The following WDR70 variants were observed in gnomAD, a reference collection of about 807,000 sequenced individuals.
The protein encoded by WDR70 is WD repeat domain 70, also known as WD repeat-containing protein 70.
WDR70 carries 53 observed loss-of-function variants against 88.6 expected under a neutral mutation model. The ratio of observed to expected loss-of-function variants is 0.60; its 90% CI spans 0.48 to 0.75. WDR70 has a LOEUF of 0.75. Ranked by LOEUF, WDR70 falls within the 30% of genes least tolerant of loss-of-function variation. The pLI is 0.00. For synonymous variants in WDR70, 280 were observed against 270.0 expected (o/e 1.04, Z -0.36); for missense variants, 610 against 823.2 (o/e 0.74, Z 3.17).
chr5:37,515,055 T>G (rs1740846299), intron 8 of WDR70, among the ~76,000 whole-genome samples: 1 of 150,740 alleles, frequency 6.6e-6, no homozygotes, highest in Admixed American at 6.6e-5. Flanking sequence ...GAGAGACTAA[T>G]AACAAACCTG....
intron 5 of WDR70, among the ~76,000 whole-genome samples, chr5:37,427,683 T>C (rs947175313): frequency 6.6e-6 from 1 of 151,928 alleles, no homozygotes; most frequent in African/African-American, 2.4e-5. Context: ...GGTCAGGAGT[T>C]CGAGACCAGC....
intron 10 of WDR70, among the ~76,000 whole-genome samples, chr5:37,644,834 C>G (rs934113578): frequency 6.6e-6 from 1 of 151,626 alleles, no homozygotes; most frequent in Admixed American, 6.6e-5. Context: ...TTTTTTATTT[C>G]TAATTTTATT....
chr5:37,445,878 A>G (rs572009820), intron 7 of WDR70, among the ~76,000 whole-genome samples: 1 of 152,338 alleles, frequency 6.6e-6, no homozygotes, highest in East Asian at 1.9e-4. Flanking sequence ...GAAAACTGGC[A>G]CAAGACAGGG....
intron 5 of WDR70, among the ~76,000 whole-genome samples, chr5:37,413,238 T>A (rs1749578937): frequency 6.6e-6 from 1 of 152,168 alleles, no homozygotes; most frequent in South Asian, 2.1e-4. Flanking sequence ...GCATCCAGTT[T>A]TTCCCTTTGC....
At chr5:37,505,818 C>T (rs1452196593) in intron 8 of WDR70, 1 of 1,397,016 alleles carries the variant, frequency 7.2e-7, no homozygotes, top group Non-Finnish European at 1.0e-6. Flanking sequence ...TAAATTGGTT[C>T]CTGCCAGAGT....
At chr5:37,748,989 A>G (rs7705963) in intron 17 of WDR70, among the ~76,000 whole-genome samples, 18,586 of 152,202 alleles carry the variant, frequency 0.12, 2,321 homozygotes, top group African/African-American at 0.32. Flanking sequence ...AGAAATAGGA[A>G]CACTTTTATA....
intron 10 of WDR70, among the ~76,000 whole-genome samples, chr5:37,695,644 A>C (rs976202627): frequency 2.6e-5 from 4 of 152,096 alleles, no homozygotes; most frequent in African/African-American, 9.7e-5. Flanking sequence ...AACACTTCTC[A>C]TATCTCAAAT....
Position 37,613,509 on chromosome 5 carries a change from C to T in WDR70, c.1092+8271C>T, listed in dbSNP as rs530135676. ...GGCAAACTGATTTGTCTTATAATTCCCTCCTCTGCTCTATGCAGCCAAATC... is the reference window on the plus strand; with the variant it reads ...GGCAAACTGATTTGTCTTATAATTCTCTCCTCTGCTCTATGCAGCCAAATC... On this transcript the variant is annotated intron_variant, in intron 10 of 17. Coordinates refer to ENST00000265107, the MANE Select transcript of WDR70 (RefSeq NM_018034.4). 5.3e-5 allele frequency among the ~76,000 whole-genome samples: 8 copies of T among 152,222 alleles called. No individual in the cohort carries two copies. In the South Asian group the frequency reaches 1.7e-3, roughly 32 times the overall value.
At chr5:37,506,203 A>G in intron 8 of WDR70, 1 of 982,582 alleles carries the variant, frequency 1.0e-6, no homozygotes, top group Admixed American at 1.7e-5. Flanking sequence ...CTCTGGTATC[A>G]CAGTTCTGAC....
chr5:37,589,729 T>C (rs536477556), intron 9 of WDR70, among the ~76,000 whole-genome samples: 1 of 152,068 alleles, frequency 6.6e-6, no homozygotes, highest in African/African-American at 2.4e-5. Context: ...TACAGGTCTC[T>C]GCAAAAATAC....
At chr5:37,656,017 C>T (rs185981379) in intron 10 of WDR70, among the ~76,000 whole-genome samples, 83 of 150,602 alleles carry the variant, frequency 5.5e-4, no homozygotes, top group African/African-American at 1.9e-3. Context: ...AGAGAAGAGA[C>T]GTTCTGGTTT....
intron 2 of WDR70, among the ~76,000 whole-genome samples, chr5:37,380,648 ATTC>A (rs1748397708): frequency 6.6e-6 from 1 of 150,906 alleles, no homozygotes; most frequent in East Asian, 2.0e-4. Context: ...AGCCTTTTCT[ATTC>A]TTTTTTTATT....
chr5:37,655,015 T>G lies in WDR70; in HGVS notation c.1093-42640T>G, dbSNP rs184431366. ...TGATGCTAGCTAGTTATTTTGCCCG[T>G]TAATTGATACAGTTTCTTCATGGTT... On this transcript the variant is annotated intron_variant, in intron 10 of 17. Coordinates refer to ENST00000265107, the MANE Select transcript of WDR70 (RefSeq NM_018034.4). Among the ~76,000 whole-genome samples the G allele has an allele frequency of 9.8e-5, 15 of 152,334 alleles. 1 individual carries two copies. The highest frequency in any genetic ancestry group is 2.2e-4 in the Non-Finnish European group (15 of 68,014).
At chr5:37,471,392 C>T (rs1048130389) in intron 7 of WDR70, among the ~76,000 whole-genome samples, 2 of 150,796 alleles carry the variant, frequency 1.3e-5, no homozygotes, top group African/African-American at 2.4e-5. Context: ...CTTCTCATAA[C>T]ATTATTGGAT....
At chr5:37,557,961 T>TGAAACCTCTTCAAAAGA (rs1176435994) in intron 9 of WDR70, among the ~76,000 whole-genome samples, 1 of 148,286 alleles carries the variant, frequency 6.7e-6, no homozygotes, top group African/African-American at 2.5e-5. Context: ...AAGAGTATTA[T>TGAAACCTCTTCAAAAGA]GTATATTTAT....
rs1459795691 is a variant in WDR70 at position 37,476,553 on chromosome 5, T to C, written c.687-3281T>C. Among the ~76,000 whole-genome samples, 3 of 33,674 alleles carry C rather than the reference T, an allele frequency of 8.9e-5. No individual in the cohort carries two copies. The Non-Finnish European group carries it at 2.0e-3, about 22-fold the overall frequency. The allele number at this position is 33,674 out of a possible 152,430, so 22.1% of individuals were successfully genotyped here. A position where few individuals can be genotyped will look rare whatever the true frequency, so the allele number is the denominator to read the frequency against. ...ATGTTTTATTGTTTCTTTTTTCTTC[T>C]TCTTTTTTTTTTTCTGAGACGGAGT... On this transcript the variant is annotated intron_variant, in intron 7 of 17. Transcript: ENST00000265107.
intron 10 of WDR70, among the ~76,000 whole-genome samples, chr5:37,688,546 A>G (rs1746680836): frequency 6.6e-6 from 1 of 152,082 alleles, no homozygotes; most frequent in South Asian, 2.1e-4. Flanking sequence ...AAGATCTTCC[A>G]AAAGTTTCAT....
intron 17 of WDR70, among the ~76,000 whole-genome samples, chr5:37,743,539 G>A (rs1748547464): frequency 6.6e-6 from 1 of 152,240 alleles, no homozygotes. Flanking sequence ...TAGGGGAAGG[G>A]CAGCACCCAT....
At chr5:37,699,469 G>A (rs1747089213) in intron 11 of WDR70, among the ~76,000 whole-genome samples, 1 of 150,988 alleles carries the variant, frequency 6.6e-6, no homozygotes, top group Non-Finnish European at 1.5e-5. Context: ...CATGTATGCT[G>A]TATTCCATCG....
Sources: gnomAD v4.1 joint callset for allele counts (sites outside exome capture counted in the v4.1 genomes callset) on GRCh38, gnomAD v4.1.1 for gene constraint, MANE v1.5 for transcripts, NCBI Gene and HGNC (gene_info 2026-07-23, HGNC 2026-07-21) for gene names.